The following EFCAB13 variants were observed in gnomAD, a reference collection of about 807,000 sequenced individuals.
The protein encoded by EFCAB13 is EF-hand calcium binding domain 13.
A neutral mutation model predicts 110.2 loss-of-function variants in EFCAB13; 91 were observed. That is an observed-to-expected ratio of 0.83 (90% CI 0.70 to 0.98). The LOEUF (loss-of-function observed/expected upper bound fraction) is 0.98, where lower values mean the gene tolerates loss of function less well. EFCAB13 is among the 50% of genes least tolerant of loss of function. The pLI, the probability that EFCAB13 is intolerant of heterozygous loss-of-function variation, is 0.00. For missense variants in EFCAB13, 968 were observed against 1,119.4 expected (o/e 0.86, Z 1.93); for synonymous variants, 323 against 369.9 (o/e 0.87, Z 1.45).
At chr17:47,409,323 A>C (rs1353244595) in intron 20 of EFCAB13, 2 of 235,084 alleles carry the variant, frequency 8.5e-6, no homozygotes, top group Non-Finnish European at 1.7e-5. Context: ...AATTTAGACT[A>C]ATAATTAAGG....
At chr17:47,409,733 G>A (rs764950733) in intron 21 of EFCAB13, 42 bp downstream of exon 21, 5 of 1,457,748 alleles carry the variant, frequency 3.4e-6, no homozygotes, top group Non-Finnish European at 4.8e-6. Context: ...TCAATAATAA[G>A]AGATATTTTT....
chr17:47,396,415 T>A (rs1326244270), intron 17 of EFCAB13, among the ~76,000 whole-genome samples: 1 of 146,162 alleles, frequency 6.8e-6, no homozygotes, highest in African/African-American at 2.5e-5. Context: ...TTTAGCAAGT[T>A]AAAAAAAAAA....
chr17:47,386,075 G>A (rs961278862), intron 14 of EFCAB13, among the ~76,000 whole-genome samples: 2 of 152,192 alleles, frequency 1.3e-5, no homozygotes, highest in African/African-American at 4.8e-5. Flanking sequence ...TCGCTGTTGG[G>A]AGGTCTCTCC....
rs376908223 is a variant in EFCAB13, at chr17:47,374,432, A to G, written c.878-40A>G. ...TTATTTTTGAAATGTATTGCAAATTATACAGGTAAATGAAATAATTGTATA... is the reference window on the plus strand; with the variant it reads ...TTATTTTTGAAATGTATTGCAAATTGTACAGGTAAATGAAATAATTGTATA... On this transcript the variant is annotated intron_variant, in intron 11 of 24. Transcript: ENST00000331493. 4.4e-5 allele frequency: 61 copies of G among 1,393,430 alleles called. No individual in the cohort carries two copies. The African/African-American group carries it at 8.4e-4, about 19-fold the overall frequency. 86.3% of individuals were successfully genotyped at this position (1,393,430 alleles called of 1,614,324 possible).
Position 47,361,510 on chromosome 17 carries a change from C to A in EFCAB13, c.794C>A (p.Thr265Asn), listed in dbSNP as rs140804765. The A allele has an allele frequency of 9.4e-5, 148 of 1,567,070 alleles. No homozygotes were observed. In the African/African-American group the frequency reaches 1.9e-3, roughly 21 times the overall value. The change falls in exon 10 of 25, where the codon ACC becomes AAC. Residue 265 changes from threonine (T) to asparagine (N), a missense_variant. Physicochemically the swap from Thr to Asn is moderately conservative, Grantham distance 65 (BLOSUM62 0). Coordinates refer to ENST00000331493, the MANE Select transcript of EFCAB13 (RefSeq NM_152347.5). ...ATTTTAGAAGAAGTGACAAAACATACCTATATTGACAGTGAGTTATTTGCA... is the reference window on the plus strand; with the variant it reads ...ATTTTAGAAGAAGTGACAAAACATAACTATATTGACAGTGAGTTATTTGCA... ...REILEEVTKH[T>N]YIDSNHMVDI...
chr17:47,427,366 ATCCTT>A (rs1299602582), intron 23 of EFCAB13, among the ~76,000 whole-genome samples: 1 of 152,056 alleles, frequency 6.6e-6, no homozygotes, highest in African/African-American at 2.4e-5. Context: ...TTTTCTTATT[ATCCTT>A]TTCTTCTTTA....
chr17:47,402,195 G>T lies in EFCAB13; in HGVS notation c.2009G>T (p.Arg670Met). 1.9e-6 allele frequency: 3 copies of T among 1,613,210 alleles called. No homozygotes were observed. The highest frequency in any genetic ancestry group is 2.5e-6 in the Non-Finnish European group (3 of 1,179,252). ...GTAAGGAATATGCGTGATGCTGCCA[G>T]GTTAGAAGGTAAGTACTGAATTATT... Reference protein sequence around the residue: ...KVVRNMRDAARLEELQEVVLA... With the variant: ...KVVRNMRDAAMLEELQEVVLA... The change falls in exon 18 of 25, where the codon AGG (arginine) becomes ATG (methionine). Residue 670 changes from arginine to methionine, a missense_variant. Coordinates refer to ENST00000331493, the MANE Select transcript of EFCAB13 (RefSeq NM_152347.5).
chr17:47,325,398 A>G (rs1220815331), intron 2 of EFCAB13, among the ~76,000 whole-genome samples: 1 of 152,130 alleles, frequency 6.6e-6, no homozygotes, highest in Non-Finnish European at 1.5e-5. Context: ...CCCTCCTCAC[A>G]GTAACCAGAG....
intron 14 of EFCAB13, among the ~76,000 whole-genome samples, chr17:47,386,448 G>T (rs908593798): frequency 6.6e-6 from 1 of 152,110 alleles, no homozygotes; most frequent in Non-Finnish European, 1.5e-5. Context: ...GCTGTCAGGG[G>T]AAAACAAGCC....
intron 23 of EFCAB13, among the ~76,000 whole-genome samples, chr17:47,420,721 A>G (rs77379027): frequency 0.6 from 84,263 of 140,044 alleles, 24,267 homozygotes; most frequent in African/African-American, 0.69. Context: ...CAGCCGCCCC[A>G]TCTGAGAAGT....
chr17:47,377,895 G>A lies in EFCAB13; in HGVS notation c.1502G>A (p.Ser501Asn), dbSNP rs775366908. 2 of 1,586,316 alleles carry A rather than the reference G, an allele frequency of 1.3e-6. No individual in the cohort carries two copies. The highest frequency in any genetic ancestry group is 4.0e-5 in the Admixed American group (2 of 50,606). Residue 501 changes from serine to asparagine, a missense_variant, in exon 13 of 25, where the codon AGT (serine) becomes AAT (asparagine). Transcript: ENST00000331493. ...EEFQKIVTDT[S>N]RNENGMVELD... The stretch of plus-strand genomic sequence containing the variant: ...TTCCAGAAGATTGTGACAGACACTA[G>A]TAGAAATGGTGAGAGACTGATAACA...
intron 10 of EFCAB13, among the ~76,000 whole-genome samples, chr17:47,365,860 C>T (rs746445274): frequency 1.3e-5 from 2 of 152,094 alleles, no homozygotes; most frequent in Non-Finnish European, 2.9e-5. Context: ...GCACAAGTGA[C>T]TCAGGAATCC....
intron 21 of EFCAB13, among the ~76,000 whole-genome samples, chr17:47,412,045 G>C (rs972729256): frequency 2.0e-5 from 3 of 152,240 alleles, no homozygotes; most frequent in Non-Finnish European, 2.9e-5. Flanking sequence ...AGTGAGCTGA[G>C]ATGGCACCAC....
intron 9 of EFCAB13, among the ~76,000 whole-genome samples, chr17:47,360,467 G>C (rs2143315213): frequency 6.6e-6 from 1 of 152,228 alleles, no homozygotes; most frequent in African/African-American, 2.4e-5. Flanking sequence ...ACTTTTTGAT[G>C]GGGTTGTTTA....
intron 23 of EFCAB13, among the ~76,000 whole-genome samples, chr17:47,427,884 G>A (rs970810890): frequency 2.0e-5 from 3 of 151,736 alleles, no homozygotes; most frequent in African/African-American, 4.8e-5. Flanking sequence ...ATTTTTGTAC[G>A]GTACTTGCAA....
chr17:47,409,422 A>C, intron 20 of EFCAB13: 1 of 466,638 alleles, frequency 2.1e-6, no homozygotes, highest in Non-Finnish European at 3.9e-6. Flanking sequence ...ACATTTAAGG[A>C]GTTGGTGGAA....
chr17:47,380,667 A>G (rs975122618), intron 14 of EFCAB13, among the ~76,000 whole-genome samples: 1 of 152,104 alleles, frequency 6.6e-6, no homozygotes, highest in East Asian at 1.9e-4. Context: ...CTTCTTCCAC[A>G]ATGGTTGAAT....
chr17:47,339,302 CT>C (rs1240282575), intron 5 of EFCAB13, among the ~76,000 whole-genome samples: 1 of 151,996 alleles, frequency 6.6e-6, no homozygotes, highest in Non-Finnish European at 1.5e-5. Context: ...GGTCTCCAGA[CT>C]TTTTGGCACT....
At chr17:47,377,925 A>C in intron 13 of EFCAB13, 22 bp downstream of exon 13, 1 of 1,551,324 alleles carries the variant, frequency 6.4e-7, no homozygotes, top group Non-Finnish European at 8.6e-7. Flanking sequence ...ATAACACTGA[A>C]GTTTCTGAGA....
Sources: gnomAD v4.1 joint callset for allele counts (sites outside exome capture counted in the v4.1 genomes callset) on GRCh38, gnomAD v4.1.1 for gene constraint, MANE v1.5 for transcripts, NCBI Gene and HGNC (gene_info 2026-07-23, HGNC 2026-07-21) for gene names.